Variants in ABLIM1 observed in about 807,000 individuals in gnomAD.
ABLIM1 encodes the protein actin-binding LIM protein 1.
A neutral mutation model predicts 107.0 loss-of-function variants in ABLIM1; 40 were observed. The observed-to-expected ratio is 0.37, with a 90% CI of 0.29 to 0.49. ABLIM1 has a LOEUF of 0.49. Among genes scored for constraint, ABLIM1 ranks in the 20% least tolerant of loss-of-function variants. The pLI, the probability that ABLIM1 is intolerant of heterozygous loss-of-function variation, is 0.97. For synonymous variants in ABLIM1, 357 were observed against 357.3 expected, an observed-to-expected ratio of 1.00 and a Z score of 0.01; for missense variants, 857 against 1,008.5, an observed-to-expected ratio of 0.85 and a Z score of 2.04.
chr10:114,664,975 G>A (rs1027688251), intron 1 of ABLIM1, among the ~76,000 whole-genome samples: 1 of 151,892 alleles, frequency 6.6e-6, no homozygotes, highest in Non-Finnish European at 1.5e-5. Context: ...AAAATTAGCC[G>A]GGTGCGGTGG....
intron 2 of ABLIM1, among the ~76,000 whole-genome samples, chr10:114,578,780 CTTTTCTTTT>C (rs1046796504): frequency 1.1e-5 from 1 of 87,558 alleles, no homozygotes; most frequent in African/African-American, 4.2e-5. Flanking sequence ...TTCTTTCTTT[CTTTTCTTTT>C]TTTTTTTTTT....
chr10:114,648,692 T>A (rs184269510), intron 1 of ABLIM1, among the ~76,000 whole-genome samples: 75 of 152,318 alleles, frequency 4.9e-4, no homozygotes, highest in African/African-American at 1.8e-3. Context: ...CTACATTACA[T>A]CTCCATTTTA....
the ABLIM1 span, chr10:114,776,136 T>C: frequency 6.6e-6 from 1 of 151,746 alleles, no homozygotes; most frequent in Non-Finnish European, 1.5e-5. Flanking sequence ...GAGCATGAGA[T>C]GGTGGACAAC....
Position 114,651,687 on chromosome 10 carries a change from TA to T in ABLIM1, c.244+6269del, listed in dbSNP as rs906412634. ...AAAAGGGGTTATTGGTAACTATAAA[TA>T]AAAAAAAAATGCAAACTATCTAATG... On this transcript the variant is annotated intron_variant, in intron 1 of 22. Transcript: ENST00000533213. Among the ~76,000 whole-genome samples the T allele has an allele frequency of 1.7e-3, 252 of 149,346 alleles. 1 individual carries two copies. Among genetic ancestry groups the T allele is most frequent in the African/African-American group, 5.6e-3 (230 of 40,790 alleles).
chr10:114,736,137 A>G (rs1371114649), intron 1 of ABLIM1, among the ~76,000 whole-genome samples: 3 of 152,196 alleles, frequency 2.0e-5, no homozygotes, highest in Non-Finnish European at 1.5e-5. Context: ...ATGTTTTTCT[A>G]GAATCATTTC....
At chr10:114,600,272 G>A (rs1440467451) in intron 2 of ABLIM1, among the ~76,000 whole-genome samples, 2 of 152,100 alleles carry the variant, frequency 1.3e-5, no homozygotes, top group Non-Finnish European at 2.9e-5. Flanking sequence ...GTGAAAACTG[G>A]GGTTTATCAT....
At chr10:114,488,112 C>G in intron 7 of ABLIM1, 96 bp from the exon 8 acceptor site, 1 of 1,275,622 alleles carries the variant, frequency 7.8e-7, no homozygotes, top group East Asian at 2.3e-5. Flanking sequence ...ATCCCTCTTT[C>G]CCCATCATAG....
intron 1 of ABLIM1, among the ~76,000 whole-genome samples, chr10:114,633,219 A>AG (rs980251533): frequency 6.6e-6 from 1 of 152,222 alleles, no homozygotes; most frequent in Non-Finnish European, 1.5e-5. Flanking sequence ...TAAGAGAGCC[A>AG]GGGGAACCGA....
intron 8 of ABLIM1, among the ~76,000 whole-genome samples, chr10:114,486,113 G>T (rs1363305457): frequency 1.3e-5 from 2 of 152,128 alleles, no homozygotes; most frequent in East Asian, 3.8e-4. Context: ...AGCTCCTCTT[G>T]GCCAGAATGG....
intron 11 of ABLIM1, among the ~76,000 whole-genome samples, chr10:114,467,343 T>C (rs543212034): frequency 3.9e-5 from 6 of 152,310 alleles, no homozygotes; most frequent in Admixed American, 2.0e-4. Context: ...ATTTTAGGAA[T>C]CTGTTGTCCT....
At chr10:114,769,172 GA>G (rs35691537), upstream of ABLIM1, among the ~76,000 whole-genome samples, 5,166 of 46,496 alleles carry the variant, frequency 0.11, 250 homozygotes, top group African/African-American at 0.26. Flanking sequence ...TGTCTTCAAT[GA>G]AAAAAAAAAA....
upstream of ABLIM1, among the ~76,000 whole-genome samples, chr10:114,771,587 C>G (rs551485144): frequency 6.6e-6 from 1 of 152,208 alleles, no homozygotes; most frequent in Non-Finnish European, 1.5e-5. Flanking sequence ...TCTCAGAAAT[C>G]TGAAACCAAT....
At chr10:114,690,109 G>A in intron 1 of ABLIM1, 2 of 1,143,770 alleles carry the variant, frequency 1.7e-6, no homozygotes, top group South Asian at 2.7e-5. Context: ...ACAAAAGGAA[G>A]GGTCTGGTGG....
rs1555212587 is a variant in ABLIM1, at chr10:114,634,134, T to TTTTTTTC, written c.244+23822_244+23823insGAAAAAA. The stretch of plus-strand genomic sequence containing the variant: ...ATGCCATTAGCTCAATTTTTCTTTT[T>TTTTTTTC]TTTTTTTTTTTTTTTTGAGACGGAG... On this transcript the variant is annotated intron_variant, in intron 1 of 22. Coordinates refer to ENST00000533213, the MANE Select transcript of ABLIM1 (RefSeq NM_002313.7). Among the ~76,000 whole-genome samples the TTTTTTTC allele has an allele frequency of 2.2e-5, 2 of 91,054 alleles. 1 individual carries two copies. Among genetic ancestry groups the TTTTTTTC allele is most frequent in the Non-Finnish European group, 4.4e-5 (2 of 45,660 alleles). The allele number at this position is 91,054 out of a possible 152,430, so 59.7% of individuals were successfully genotyped here.
intron 1 of ABLIM1, among the ~76,000 whole-genome samples, chr10:114,649,400 A>AAAATAAAT (rs57772186): frequency 5.8e-4 from 79 of 136,320 alleles, no homozygotes; most frequent in Middle Eastern, 3.6e-3. Context: ...AGACTCTGTC[A>AAAATAAAT]AAATAAATAA....
At chr10:114,439,506 G>T in intron 20 of ABLIM1, 1 of 576,164 alleles carries the variant, frequency 1.7e-6, no homozygotes, top group Non-Finnish European at 3.1e-6. Flanking sequence ...CTCCATGAAT[G>T]AAAGCATATA....
chr10:114,659,939 T>G (rs1052988319), upstream of ABLIM1, among the ~76,000 whole-genome samples: 3 of 152,214 alleles, frequency 2.0e-5, no homozygotes, highest in African/African-American at 7.2e-5. Context: ...TCTTGCTTCT[T>G]TTGTTACAAG....
At chr10:114,671,165 C>T (rs1335605809) in intron 1 of ABLIM1, among the ~76,000 whole-genome samples, 1 of 152,192 alleles carries the variant, frequency 6.6e-6, no homozygotes, top group African/African-American at 2.4e-5. Context: ...TAGTTTTGAA[C>T]TTCATGCATG....
rs181540018 is a variant in ABLIM1 at position 114,479,525 on chromosome 10, T to C, written c.1042-5569A>G. ...AATGCTCTTGGAGACAGTGACTGTG[T>C]CTCCACTTTGGTAATTAATGCCCTT... is the stretch of plus-strand genomic sequence containing the variant. On this transcript the variant is annotated intron_variant, in intron 8 of 22. Transcript: ENST00000533213. Among the ~76,000 whole-genome samples, 16 of 152,288 alleles carry C rather than the reference T, an allele frequency of 1.1e-4. No homozygotes were observed. The East Asian group carries it at 3.1e-3, about 29-fold the overall frequency.
Sources: allele counts gnomAD v4.1 joint callset (sites outside exome capture counted in the v4.1 genomes callset), GRCh38; gene constraint gnomAD v4.1.1; transcripts MANE v1.5; gene names NCBI Gene and HGNC (gene_info 2026-07-23, HGNC 2026-07-21).